The following SCN10A variants were observed in gnomAD, a reference collection of about 807,000 sequenced individuals.
The protein encoded by SCN10A is sodium channel protein type 10 subunit alpha.
In SCN10A, 162 loss-of-function variants were observed where a neutral mutation model predicts 170.7. That is an observed-to-expected ratio of 0.95 (90% CI 0.84 to 1.08). The LOEUF is 1.08. Ranked by LOEUF, SCN10A falls within the 50% of genes least tolerant of loss-of-function variation. The pLI, the probability that SCN10A is intolerant of heterozygous loss-of-function variation, is 0.00. For synonymous variants in SCN10A, 985 were observed against 904.6 expected, an observed-to-expected ratio of 1.09 and a Z score of -1.59; for missense variants, 2,527 against 2,436.9, an observed-to-expected ratio of 1.04 and a Z score of -0.78.
chr3:38,705,956 C>A lies in SCN10A; in HGVS notation c.4386+1323G>T, dbSNP rs532199869. Among the ~76,000 whole-genome samples the A allele has an allele frequency of 3.3e-5, 5 of 152,248 alleles. No homozygotes were observed. The East Asian group carries it at 7.7e-4, about 24-fold the overall frequency. On this transcript the variant is annotated intron_variant, in intron 26 of 27. Coordinates refer to ENST00000449082, the MANE Select transcript of SCN10A (RefSeq NM_006514.4). ...TTTGAGCCTGCTCCTCTCCACTGAACTTGTTGATGGAGGGATACTCAATGA... is the reference window on the plus strand; with the variant it reads ...TTTGAGCCTGCTCCTCTCCACTGAAATTGTTGATGGAGGGATACTCAATGA...
intron 1 of SCN10A, among the ~76,000 whole-genome samples, chr3:38,806,065 G>A (rs551637018): frequency 4.1e-4 from 63 of 152,272 alleles, no homozygotes; most frequent in African/African-American, 1.5e-3. Context: ...CTTTCTGTGG[G>A]GCTTGGTGAA....
At position 38,698,012 on chromosome 3, in the gene SCN10A, C is replaced by A; in HGVS notation, c.5208G>T (p.Leu1736=). ...AGAACATGTCAAAGTCGTCCTCACT[C>A]AGGGGCTCAGTGCTCTCCTCCGTGG... ...NVATEESTEP[L]SEDDFDMFYE... The change falls in exon 28 of 28, where the codon CTG becomes CTT. Residue 1736 remains leucine, a synonymous_variant. Coordinates refer to ENST00000449082, the MANE Select transcript of SCN10A (RefSeq NM_006514.4). 3 of 1,614,178 alleles carry A rather than the reference C, an allele frequency of 1.9e-6. No homozygotes were observed. The highest frequency in any genetic ancestry group is 2.5e-6 in the Non-Finnish European group (3 of 1,180,026).
intron 4 of SCN10A, among the ~76,000 whole-genome samples, chr3:38,785,386 A>T (rs2064186958): frequency 6.6e-6 from 1 of 152,202 alleles, no homozygotes; most frequent in South Asian, 2.1e-4. Flanking sequence ...TGGGGAAAGG[A>T]TTCCCTATTT....
chr3:38,797,283 C>T (rs550713568), intron 1 of SCN10A, among the ~76,000 whole-genome samples: 32 of 152,260 alleles, frequency 2.1e-4, no homozygotes, highest in African/African-American at 7.5e-4. Context: ...TACCCAATAC[C>T]CATATGTAGG....
chr3:38,732,447 C>A (rs2063521567), intron 15 of SCN10A, among the ~76,000 whole-genome samples: 2 of 152,188 alleles, frequency 1.3e-5, no homozygotes, highest in Admixed American at 1.3e-4. Context: ...CCAACAAGCA[C>A]TGAATGTGCT....
At chr3:38,794,558 G>T (rs2064325248) in intron 1 of SCN10A, among the ~76,000 whole-genome samples, 1 of 152,036 alleles carries the variant, frequency 6.6e-6, no homozygotes. Flanking sequence ...AATTTCATTG[G>T]GACCTCCAAT....
At chr3:38,708,588 G>C (rs78911227) in intron 25 of SCN10A, among the ~76,000 whole-genome samples, 6,381 of 152,138 alleles carry the variant, frequency 0.042, 247 homozygotes, top group African/African-American at 0.1. Flanking sequence ...TGCTCTTGAG[G>C]CGCTGCCAGT....
At chr3:38,804,566 T>G (rs1224488193) in intron 1 of SCN10A, among the ~76,000 whole-genome samples, 2 of 152,136 alleles carry the variant, frequency 1.3e-5, no homozygotes, top group African/African-American at 4.8e-5. Flanking sequence ...AAATAAATAT[T>G]CAAGAAATCT....
chr3:38,755,949 C>T lies in SCN10A; in HGVS notation c.1300G>A (p.Ala434Thr). 5.6e-6 allele frequency: 9 copies of T among 1,614,172 alleles called. No individual in the cohort carries two copies. Among genetic ancestry groups the T allele is most frequent in the Non-Finnish European group, 7.6e-6 (9 of 1,180,016 alleles). The change falls in exon 11 of 28, where the codon GCA becomes ACA. Residue 434 changes from alanine (A) to threonine (T), a missense_variant. Coordinates refer to ENST00000449082, the MANE Select transcript of SCN10A (RefSeq NM_006514.4). ...MLRKEQEVLA[A>T]LGIDTTSLHS... ...AGAGAGGTTGTGTCAATCCCTAGTG[C>T]TGCTAGCACCTGCGAAGAGAGAACA... is the stretch of plus-strand genomic sequence containing the variant.
At chr3:38,799,811 T>C (rs1194043704) in intron 1 of SCN10A, among the ~76,000 whole-genome samples, 1 of 152,184 alleles carries the variant, frequency 6.6e-6, no homozygotes, top group African/African-American at 2.4e-5. Context: ...GTTACTTTAC[T>C]TCAAGTGTGT....
chr3:38,795,982 T>A (rs2064339597), intron 1 of SCN10A, among the ~76,000 whole-genome samples: 1 of 152,180 alleles, frequency 6.6e-6, no homozygotes, highest in South Asian at 2.1e-4. Context: ...CACAATCTCT[T>A]GGAAACATCT....
intron 5 of SCN10A, among the ~76,000 whole-genome samples, chr3:38,770,888 T>C (rs1429948015): frequency 1.3e-5 from 2 of 152,210 alleles, no homozygotes; most frequent in African/African-American, 4.8e-5. Flanking sequence ...TACAAGGCAC[T>C]TCCCTTTGCT....
rs765475427 is a variant in SCN10A at position 38,701,822 on chromosome 3, C to T, written c.4657+17G>A. On this transcript the variant is annotated intron_variant, in intron 27 of 27. Transcript: ENST00000449082. Reference sequence around the variant, plus strand: ...AAACAGAGGTGGGGCTTCCCCACCACGTGGCTGCCCACTTACTCGCAATGG... The same window carrying T: ...AAACAGAGGTGGGGCTTCCCCACCATGTGGCTGCCCACTTACTCGCAATGG... 2.0e-5 allele frequency: 31 copies of T among 1,583,018 alleles called. No individual in the cohort carries two copies. Among genetic ancestry groups the T allele is most frequent in the Middle Eastern group, 1.7e-4 (1 of 5,970 alleles).
intron 15 of SCN10A, among the ~76,000 whole-genome samples, chr3:38,736,962 C>CGTTTTTTTTTTTTTTTTTTTTTTT (rs2063568282): frequency 1.4e-5 from 1 of 69,254 alleles, no homozygotes; most frequent in African/African-American, 5.2e-5. Flanking sequence ...CAGAAATGTT[C>CGTTTTTTTTTTTTTTTTTTTTTTT]GTTTTTTTTT....
intron 22 of SCN10A, 44 bp downstream of exon 22, chr3:38,713,914 C>T (rs992574431): frequency 5.0e-6 from 8 of 1,607,608 alleles, no homozygotes; most frequent in South Asian, 1.1e-5. Flanking sequence ...AGGCATGAAC[C>T]ACCGTGCCTG....
chr3:38,718,672 A>G lies in SCN10A; in HGVS notation c.3662T>C (p.Leu1221Pro). ...KKYFTNAWCWLDFLIVNISLI... is the reference protein window; with the variant it reads ...KKYFTNAWCWPDFLIVNISLI... Reference sequence around the variant, plus strand: ...ACTCACATTCACAATGAGGAAGTCCAGCCAGCACCAGGCATTGGTGAAGTA... The same window carrying G: ...ACTCACATTCACAATGAGGAAGTCCGGCCAGCACCAGGCATTGGTGAAGTA... The change falls in exon 21 of 28, where the codon CTG becomes CCG. Residue 1221 changes from leucine to proline, a missense_variant. Physicochemically the swap from Leu to Pro is moderately conservative, Grantham distance 98 (BLOSUM62 -3). Transcript: ENST00000449082. 6.2e-7 allele frequency: 1 copy of G among 1,614,234 alleles called. No individual in the cohort carries two copies.
At chr3:38,811,931 C>A (rs893280184) in intron 1 of SCN10A, among the ~76,000 whole-genome samples, 1 of 152,176 alleles carries the variant, frequency 6.6e-6, no homozygotes, top group Non-Finnish European at 1.5e-5. Flanking sequence ...AGCGGGCCAA[C>A]CAGGATGTCC....
chr3:38,702,359 C>T (rs2063165353), intron 26 of SCN10A, among the ~76,000 whole-genome samples: 1 of 152,242 alleles, frequency 6.6e-6, no homozygotes, highest in Non-Finnish European at 1.5e-5. Context: ...GCCCTTGCCT[C>T]TATTCACAAT....
At chr3:38,798,302 T>C (rs9844644) in intron 1 of SCN10A, among the ~76,000 whole-genome samples, 115,694 of 152,088 alleles carry the variant, frequency 0.76, 44,268 homozygotes, top group South Asian at 0.8. Context: ...GTCCTGGGAT[T>C]TTAACTCTAC....
Sources: gnomAD v4.1 joint callset for allele counts (sites outside exome capture counted in the v4.1 genomes callset) on GRCh38, gnomAD v4.1.1 for gene constraint, MANE v1.5 for transcripts, NCBI Gene and HGNC (gene_info 2026-07-23, HGNC 2026-07-21) for gene names.